ABL1: variants seen among roughly 807,000 people sequenced by gnomAD.
ABL1 encodes the protein tyrosine-protein kinase ABL1.
Under a neutral mutation model 94.7 loss-of-function variants are expected in ABL1, and 11 were observed. The ratio of observed to expected loss-of-function variants is 0.12; its 90% CI spans 0.07 to 0.19. The LOEUF (loss-of-function observed/expected upper bound fraction) is 0.19. ABL1 is among the 10% of genes least tolerant of loss of function. The probability of loss-of-function intolerance (pLI) is 1.00; values close to 1 mark genes in which losing one functional copy is unlikely to be tolerated. For synonymous variants in ABL1, 656 were observed against 622.4 expected, an observed-to-expected ratio of 1.05 and a Z score of -0.80; for missense variants, 1,082 against 1,489.4, an observed-to-expected ratio of 0.73 and a Z score of 4.50.
chr9:130,833,156 C>T (rs35526379), upstream of ABL1, among the ~76,000 whole-genome samples: 3,415 of 152,198 alleles, frequency 0.022, 37 homozygotes, highest in African/African-American at 0.028. Context: ...ATATCTGGGC[C>T]TATATTAACA....
At chr9:130,726,506 C>T (rs1023890165) in intron 1 of ABL1, among the ~76,000 whole-genome samples, 3 of 152,180 alleles carry the variant, frequency 2.0e-5, no homozygotes, top group Admixed American at 6.5e-5. Context: ...CTGTTTCTCT[C>T]TCACACACAC....
At chr9:130,800,982 G>A (rs1344714286) in intron 1 of ABL1, among the ~76,000 whole-genome samples, 1 of 148,760 alleles carries the variant, frequency 6.7e-6, no homozygotes, top group Non-Finnish European at 1.5e-5. Flanking sequence ...CCAGGCTGGA[G>A]TGCAGAGGCA....
intron 1 of ABL1, among the ~76,000 whole-genome samples, chr9:130,744,943 G>A (rs955990405): frequency 7.9e-5 from 12 of 152,216 alleles, no homozygotes; most frequent in Admixed American, 7.2e-4. Flanking sequence ...AGGATTGGTG[G>A]CCTAATGATG....
chr9:130,857,707 C>A (rs1830998375), intron 3 of ABL1, among the ~76,000 whole-genome samples: 1 of 150,980 alleles, frequency 6.6e-6, no homozygotes, highest in South Asian at 2.1e-4. Flanking sequence ...TTTTAATGTT[C>A]TTATTTTTCT....
intron 1 of ABL1, among the ~76,000 whole-genome samples, chr9:130,717,679 G>T (rs1428295294): frequency 6.6e-6 from 1 of 150,762 alleles, no homozygotes; most frequent in South Asian, 2.1e-4. Flanking sequence ...AAAAAATACA[G>T]TTCATTGGTA....
intron 1 of ABL1, among the ~76,000 whole-genome samples, chr9:130,748,449 G>C (rs1428871789): frequency 3.3e-5 from 5 of 151,558 alleles, no homozygotes; most frequent in Non-Finnish European, 7.4e-5. Context: ...GTCTCCCTCT[G>C]TCACCCAAGC....
intron 3 of ABL1, among the ~76,000 whole-genome samples, chr9:130,860,508 T>G (rs1163318580): frequency 6.6e-6 from 1 of 152,120 alleles, no homozygotes; most frequent in Non-Finnish European, 1.5e-5. Context: ...GCATTCCACT[T>G]TGGAGTGAAG....
chr9:130,858,563 C>G (rs1412581000), intron 3 of ABL1, among the ~76,000 whole-genome samples: 3 of 152,080 alleles, frequency 2.0e-5, no homozygotes, highest in Admixed American at 2.0e-4. Flanking sequence ...GGGCCGCACT[C>G]GAGGGGGTGT....
At position 130,813,866 on chromosome 9, in the gene ABL1, T is replaced by C. The variant is rs147833511; in HGVS notation, c.137-40198T>C. Among the ~76,000 whole-genome samples, 1,352 of 152,316 alleles carry C rather than the reference T, an allele frequency of 8.9e-3. 23 individuals are homozygous for C. The highest frequency in any genetic ancestry group is 0.028 in the African/African-American group (1,144 of 41,574). ...CAATTTTATGATGGGTTTTTCAGGA[T>C]GTAACCCAATTTTAAGTTGAGCATC... On this transcript the variant is annotated intron_variant, in intron 1 of 10. Coordinates refer to the ABL1 transcript ENST00000372348.
rs891436948 is a variant in ABL1, at chr9:130,723,799, ATTTTTTAACTT to A, written c.136+9362_136+9372del. 9.2e-5 allele frequency among the ~76,000 whole-genome samples: 14 copies of A among 151,830 alleles called. No individual in the cohort carries two copies. In the South Asian group the frequency reaches 1.0e-3, roughly 11 times the overall value. ...TGAAACGTAGGTAGGTTTGTTTTTT[ATTTTTTAACTT>A]TTTTTTAACTTTTTTTTTTGAGATG... is the stretch of plus-strand genomic sequence containing the variant. On this transcript the variant is annotated intron_variant, in intron 1 of 10. Coordinates refer to the ABL1 transcript ENST00000372348.
At chr9:130,796,378 G>T (rs554893739) in intron 1 of ABL1, among the ~76,000 whole-genome samples, 98 of 152,244 alleles carry the variant, frequency 6.4e-4, no homozygotes, top group Non-Finnish European at 1.3e-3. Context: ...GGGCATGGTG[G>T]TGCGTTCCTG....
At position 130,821,219 on chromosome 9, in the gene ABL1, C is replaced by T. The variant is rs149424103; in HGVS notation, c.137-32845C>T. On this transcript the variant is annotated intron_variant, in intron 1 of 10. Transcript: ENST00000372348. The stretch of plus-strand genomic sequence containing the variant: ...TGCTGGGATTACAGGCGTGAGCCAC[C>T]GCACCTGGCCCCACAATCCAGTTTT... Among the ~76,000 whole-genome samples, 11 of 152,252 alleles carry T rather than the reference C, an allele frequency of 7.2e-5. No homozygotes were observed. In the East Asian group the frequency reaches 1.2e-3, roughly 16 times the overall value.
At chr9:130,767,753 G>A (rs1244973131) in intron 1 of ABL1, among the ~76,000 whole-genome samples, 1 of 152,238 alleles carries the variant, frequency 6.6e-6, no homozygotes, top group Non-Finnish European at 1.5e-5. Flanking sequence ...GTGCACGTGT[G>A]CATGTGTGTG....
chr9:130,742,809 A>T (rs1313900556), intron 1 of ABL1, among the ~76,000 whole-genome samples: 1 of 152,128 alleles, frequency 6.6e-6, no homozygotes, highest in Non-Finnish European at 1.5e-5. Flanking sequence ...TACGCACATT[A>T]GTATGTGCTA....
intron 10 of ABL1, among the ~76,000 whole-genome samples, chr9:130,883,428 C>T (rs1211584946): frequency 6.7e-6 from 1 of 149,384 alleles, no homozygotes; most frequent in Non-Finnish European, 1.5e-5. Context: ...ACCTGGGAGG[C>T]GGAGGTTGCA....
rs1283028691 is a variant in ABL1 at position 130,859,682 on chromosome 9, T to C, written c.550-3081T>C. On this transcript the variant is annotated intron_variant, in intron 3 of 10. Transcript: ENST00000318560. The stretch of plus-strand genomic sequence containing the variant: ...CTGTTTCTTTTCTTTCTTTCCTTTT[T>C]TTTTTTTTTTTTTTTTTTTTTTTTG... 5.4e-4 allele frequency among the ~76,000 whole-genome samples: 56 copies of C among 103,176 alleles called. 4 individuals carry two copies. The highest frequency in any genetic ancestry group is 2.3e-3 in the African/African-American group (48 of 20,718). 67.7% of individuals were successfully genotyped at this position (103,176 alleles called of 152,430 possible).
chr9:130,878,736 A>C (rs1179984078), intron 8 of ABL1, among the ~76,000 whole-genome samples, 169 bp downstream of exon 8: 2 of 152,172 alleles, frequency 1.3e-5, no homozygotes, highest in Admixed American at 6.5e-5. Flanking sequence ...TTATTTACAG[A>C]TAAATAGTAT....
intron 1 of ABL1, among the ~76,000 whole-genome samples, chr9:130,827,456 T>C (rs1016729089): frequency 6.6e-6 from 1 of 152,182 alleles, no homozygotes; most frequent in African/African-American, 2.4e-5. Flanking sequence ...TGCTCATTCA[T>C]AGAGAGTGAG....
chr9:130,876,346 G>A (rs1831341698), intron 7 of ABL1, among the ~76,000 whole-genome samples: 1 of 152,056 alleles, frequency 6.6e-6, no homozygotes, highest in African/African-American at 2.4e-5. Flanking sequence ...CATGTAGGAA[G>A]AGCAGGGTCA....
Sources: allele counts gnomAD v4.1 joint callset (sites outside exome capture counted in the v4.1 genomes callset), GRCh38; gene constraint gnomAD v4.1.1; transcripts MANE v1.5; gene names NCBI Gene and HGNC (gene_info 2026-07-23, HGNC 2026-07-21).